The following PHC1 variants were observed in gnomAD, a reference collection of about 807,000 sequenced individuals.
PHC1 encodes the protein polyhomeotic-like protein 1.
In PHC1, 12 loss-of-function variants were observed where a neutral mutation model predicts 104.3. That is an observed-to-expected ratio of 0.12 (90% confidence interval 0.07 to 0.19). The LOEUF is 0.19. Among genes scored for constraint, PHC1 ranks in the 10% least tolerant of loss-of-function variants. PHC1 has a pLI of 1.00. For synonymous variants in PHC1, 302 were observed against 455.8 expected (o/e 0.66, Z 4.30); for missense variants, 671 against 1,200.0 (o/e 0.56, Z 6.51).
chr12:8,922,520 C>T, intron 5 of PHC1, 113 bp from the exon 6 acceptor site: 1 of 897,058 alleles, frequency 1.1e-6, no homozygotes, highest in Non-Finnish European at 1.7e-6. Flanking sequence ...AGAGGCAGGG[C>T]TCAGCTGTTT....
intron 3 of PHC1, 199 bp downstream of exon 3, chr12:8,920,065 A>G: frequency 1.3e-6 from 1 of 773,192 alleles, no homozygotes; most frequent in African/African-American, 1.7e-5. Context: ...CTTTTTAGGT[A>G]TAGAGTGGCT....
At chr12:8,916,215 G>C (rs1316669595) in intron 1 of PHC1, 1 of 145,172 alleles carries the variant, frequency 6.9e-6, no homozygotes, top group Non-Finnish European at 1.6e-5. Context: ...TGAAACTAAA[G>C]ACTGGGGGGG....
intron 1 of PHC1, among the ~76,000 whole-genome samples, chr12:8,917,224 G>A (rs1945228790): frequency 1.3e-5 from 2 of 152,196 alleles, no homozygotes; most frequent in South Asian, 2.1e-4. Context: ...AGTATATGGT[G>A]ACTCATTTGG....
At chr12:8,923,524 G>A (rs905546382) in intron 6 of PHC1, among the ~76,000 whole-genome samples, 1 of 152,136 alleles carries the variant, frequency 6.6e-6, no homozygotes, top group Admixed American at 6.5e-5. Context: ...ACAACCAACT[G>A]CAGATTGAAA....
chr12:8,936,844 C>T lies in PHC1; in HGVS notation c.2369-12C>T, dbSNP rs749004528. ...ACCCATGGTGACTGTCCAGCAATACCTTGTTTTTTAGAGTTAGATAAGAAG... is the reference window on the plus strand; with the variant it reads ...ACCCATGGTGACTGTCCAGCAATACTTTGTTTTTTAGAGTTAGATAAGAAG... On this transcript the variant is annotated splice_polypyrimidine_tract_variant and intron_variant, in intron 11 of 14. Transcript: ENST00000544916. 1.9e-6 allele frequency: 3 copies of T among 1,556,034 alleles called. No homozygotes were observed. Among genetic ancestry groups the T allele is most frequent in the South Asian group, 2.3e-5 (2 of 88,888 alleles).
At chr12:8,935,970 A>G (rs1267521234) in intron 11 of PHC1, among the ~76,000 whole-genome samples, 3 of 151,860 alleles carry the variant, frequency 2.0e-5, no homozygotes, top group African/African-American at 7.3e-5. Context: ...CATGTTGGTC[A>G]GGCTAGTAGT....
intron 1 of PHC1, chr12:8,915,112 C>T (rs942004076): frequency 6.5e-6 from 1 of 152,786 alleles, no homozygotes; most frequent in Non-Finnish European, 1.5e-5. Flanking sequence ...TCCTTCCAGC[C>T]GAGCATGCTG....
intron 5 of PHC1, among the ~76,000 whole-genome samples, chr12:8,922,247 C>T (rs1184645675): frequency 6.6e-6 from 1 of 152,162 alleles, no homozygotes; most frequent in Non-Finnish European, 1.5e-5. Context: ...AGATATTATG[C>T]TAGAAAATAC....
rs1027458780 is a variant in PHC1, at chr12:8,919,314, G to A, written c.115-442G>A. On this transcript the variant is annotated intron_variant, in intron 2 of 14. Transcript: ENST00000544916. This position sits in a 1 kb window ranked among gnomAD's most constrained non-coding sequence, Gnocchi z 4.9. ...GACCTCAGGTGATCTGCCCTCCTAG[G>A]CCTCCCAAAGTGCTGGGATTACAGG... Among the ~76,000 whole-genome samples, 7 of 152,120 alleles carry A rather than the reference G, an allele frequency of 4.6e-5. No individual in the cohort carries two copies. Among genetic ancestry groups the A allele is most frequent in the Non-Finnish European group, 8.8e-5 (6 of 68,022 alleles).
At position 8,917,645 on chromosome 12, in the gene PHC1, G is replaced by A; in HGVS notation, c.-33G>A. 8.9e-7 allele frequency: 1 copy of A among 1,120,212 alleles called. No individual in the cohort carries two copies. The allele number at this position is 1,120,212 out of a possible 1,614,324, so 69.4% of individuals were successfully genotyped here. A position where few individuals can be genotyped will look rare whatever the true frequency, so the allele number is the denominator to read the frequency against. On this transcript the variant is annotated 5_prime_UTR_variant, in exon 2 of 15. Coordinates refer to ENST00000544916, the MANE Select transcript of PHC1 (RefSeq NM_004426.3). ...TTCCCTCTAGGTCTTGAGTCAGACAGAGCACCAGCCTTGGGGACCCTGGAC... is the reference window on the plus strand; with the variant it reads ...TTCCCTCTAGGTCTTGAGTCAGACAAAGCACCAGCCTTGGGGACCCTGGAC...
chr12:8,917,892 G>A lies in PHC1; in HGVS notation c.114+101G>A. ...ACTCAGTTCTTTTTCAACAAACTGG[G>A]GAGAGTTGGGTTAGATGATGACTAA... On this transcript the variant is annotated intron_variant, in intron 2 of 14. Coordinates refer to ENST00000544916, the MANE Select transcript of PHC1 (RefSeq NM_004426.3). 5 of 660,040 alleles carry A rather than the reference G, an allele frequency of 7.6e-6. No individual in the cohort carries two copies. The South Asian group carries it at 1.0e-4, about 13-fold the overall frequency. 40.9% of individuals were successfully genotyped at this position (660,040 alleles called of 1,614,324 possible).
intron 1 of PHC1, 164 bp downstream of exon 1, chr12:8,914,991 C>T (rs1945158402): frequency 6.5e-6 from 1 of 153,298 alleles, no homozygotes; most frequent in Non-Finnish European, 1.5e-5. Flanking sequence ...TCGGCTCTGC[C>T]TGTCCGAGTC....
At chr12:8,933,674 C>G in intron 8 of PHC1, 191 bp from the exon 9 acceptor site, 2 of 619,922 alleles carry the variant, frequency 3.2e-6, no homozygotes, top group Non-Finnish European at 5.6e-6. Context: ...AGGACTAAAT[C>G]ATGTTACATT....
In PHC1 at chr12:8,930,981, C is replaced by CT. The variant is rs750229086; in HGVS notation, c.1105+61dup. The CT allele has an allele frequency of 5.5e-4, 841 of 1,523,450 alleles. 2 individuals carry two copies. Among genetic ancestry groups the CT allele is most frequent in the Non-Finnish European group, 7.0e-4 (794 of 1,135,750 alleles). 94.4% of individuals were successfully genotyped at this position (1,523,450 alleles called of 1,614,324 possible). ...CTCTCAGAATTCATGTGAAATTTTC[C>CT]TTTTTTTCTTTTTTTGCCTTTTTTT... On this transcript the variant is annotated intron_variant, in intron 7 of 14. Transcript: ENST00000544916.
rs776918132 is a variant in PHC1 at position 8,917,801 on chromosome 12, A to T, written c.114+10A>T. On this transcript the variant is annotated intron_variant, in intron 2 of 14. Transcript: ENST00000544916. ...ACGACAAGCAGTGCAGGTGAGACTC[A>T]GCTCTGAGGGGCCATGGTCTGTGAG... 1 of 1,381,198 alleles carries T rather than the reference A, an allele frequency of 7.2e-7. No individual in the cohort carries two copies. Among genetic ancestry groups the T allele is most frequent in the South Asian group, 1.2e-5 (1 of 80,384 alleles). The allele number at this position is 1,381,198 out of a possible 1,614,324, so 85.6% of individuals were successfully genotyped here.
At chr12:8,930,975 AT>A in intron 7 of PHC1, 48 bp downstream of exon 7, 1 of 1,540,446 alleles carries the variant, frequency 6.5e-7, no homozygotes, top group Admixed American at 2.1e-5. Context: ...TTCATGTGAA[AT>A]TTTCCTTTTT....
At position 8,930,522 on chromosome 12, in the gene PHC1, G is replaced by A. The variant is rs1465371519; in HGVS notation, c.700G>A (p.Ala234Thr). ...CACTCAGAAGGCCATTCCTCCAGGA[G>A]CCTCCCCTGTCTCTAGCCTCTCCCA... ...GSTQKAIPPG[A>T]SPVSSLSQAS... Residue 234 changes from alanine to threonine, a missense_variant, in exon 7 of 15, where the codon GCC becomes ACC. Coordinates refer to ENST00000544916, the MANE Select transcript of PHC1 (RefSeq NM_004426.3). 7 of 1,556,518 alleles carry A rather than the reference G, an allele frequency of 4.5e-6. No homozygotes were observed. In the South Asian group the frequency reaches 7.1e-5, roughly 16 times the overall value.
rs1381858716 is a variant in PHC1, at chr12:8,919,647, C to G, written c.115-109C>G. The stretch of plus-strand genomic sequence containing the variant: ...ACGATTTAGCCCAAACTCCCATCTC[C>G]TCTGGTTTCTGTCCTTCCCATGGCC... On this transcript the variant is annotated intron_variant, in intron 2 of 14. Coordinates refer to ENST00000544916, the MANE Select transcript of PHC1 (RefSeq NM_004426.3). This position sits in a 1 kb window ranked among gnomAD's most constrained non-coding sequence, Gnocchi z 4.9. 1 of 1,127,814 alleles carries G rather than the reference C, an allele frequency of 8.9e-7. No homozygotes were observed. The highest frequency in any genetic ancestry group is 1.3e-6 in the Non-Finnish European group (1 of 787,000). The allele number at this position is 1,127,814 out of a possible 1,614,324, so 69.9% of individuals were successfully genotyped here. A position where few individuals can be genotyped will look rare whatever the true frequency, so the allele number is the denominator to read the frequency against.
At chr12:8,920,663 A>T (rs61495555) in intron 3 of PHC1, among the ~76,000 whole-genome samples, 2 of 152,208 alleles carry the variant, frequency 1.3e-5, no homozygotes, top group African/African-American at 4.8e-5. Flanking sequence ...AGCGGAGATC[A>T]TGCCACTGCA....
Sources: allele counts gnomAD v4.1 joint callset (sites outside exome capture counted in the v4.1 genomes callset), GRCh38; gene constraint gnomAD v4.1.1; non-coding constraint Gnocchi (gnomAD v3.1); transcripts MANE v1.5; gene names NCBI Gene and HGNC (gene_info 2026-07-23, HGNC 2026-07-21).